The following ECPAS variants were observed in gnomAD, a reference collection of about 807,000 sequenced individuals.
The protein encoded by ECPAS is proteasome adapter and scaffold protein ECM29.
A neutral mutation model predicts 255.1 loss-of-function variants in ECPAS; 70 were observed. The observed-to-expected ratio is 0.27, with a 90% CI of 0.23 to 0.33. The LOEUF (loss-of-function observed/expected upper bound fraction) is 0.33. Among genes scored for constraint, ECPAS ranks in the 10% least tolerant of loss-of-function variants. The pLI, the probability that ECPAS is intolerant of heterozygous loss-of-function variation, is 1.00. For synonymous variants in ECPAS, 784 were observed against 775.0 expected (o/e 1.01, Z -0.19); for missense variants, 1,817 against 2,206.4 (o/e 0.82, Z 3.54).
intron 9 of ECPAS, among the ~76,000 whole-genome samples, 188 bp from the exon 10 acceptor site, chr9:111,428,349 C>T (rs1401663249): frequency 2.6e-5 from 4 of 152,110 alleles, no homozygotes; most frequent in African/African-American, 4.8e-5. Context: ...ATTTACTATA[C>T]GGGAAATTAA....
intron 38 of ECPAS, among the ~76,000 whole-genome samples, chr9:111,374,259 G>T (rs573729485): frequency 3.9e-5 from 6 of 152,078 alleles, no homozygotes; most frequent in Non-Finnish European, 7.4e-5. Flanking sequence ...TTGTGAAAAA[G>T]AAAGAAAACT....
intron 12 of ECPAS, among the ~76,000 whole-genome samples, chr9:111,424,668 A>C (rs1042723565): frequency 2.0e-5 from 3 of 152,238 alleles, no homozygotes; most frequent in South Asian, 2.1e-4. Flanking sequence ...CAGAATTTTG[A>C]ATCATTAAAA....
chr9:111,392,250 A>T (rs1486457269), intron 28 of ECPAS, among the ~76,000 whole-genome samples: 1 of 152,182 alleles, frequency 6.6e-6, no homozygotes, highest in African/African-American at 2.4e-5. Flanking sequence ...CAACAACAAA[A>T]AACAGCCCTT....
intron 24 of ECPAS, among the ~76,000 whole-genome samples, chr9:111,398,366 T>C (rs1441640794): frequency 6.6e-6 from 1 of 152,118 alleles, no homozygotes; most frequent in African/African-American, 2.4e-5. Flanking sequence ...CTGTAGTTAA[T>C]AACAACACAG....
At chr9:111,428,733 T>C (rs539927771) in intron 9 of ECPAS, among the ~76,000 whole-genome samples, 4 of 152,268 alleles carry the variant, frequency 2.6e-5, no homozygotes, top group East Asian at 1.9e-4. Flanking sequence ...TAACAGTTAA[T>C]TGCTTATTTT....
In ECPAS at chr9:111,379,200, A is replaced by G. The variant is rs550149465; in HGVS notation, c.3804-470T>C. On this transcript the variant is annotated intron_variant, in intron 35 of 49. Transcript: ENST00000684092. ...ACATTTCAGTCAACAACAACAGACC[A>G]CAATGTCCAGCAGTAGTCCCATAAG... 9.2e-5 allele frequency among the ~76,000 whole-genome samples: 14 copies of G among 152,336 alleles called. No homozygotes were observed. In the South Asian group the frequency reaches 2.3e-3, roughly 25 times the overall value.
At chr9:111,467,030 A>G (rs1002740325) in intron 2 of ECPAS, among the ~76,000 whole-genome samples, 2 of 152,240 alleles carry the variant, frequency 1.3e-5, no homozygotes, top group African/African-American at 4.8e-5. Context: ...CGACCAGTAA[A>G]GGTTTAAAGA....
At chr9:111,381,511 T>C (rs2098140509) in intron 35 of ECPAS, among the ~76,000 whole-genome samples, 1 of 152,192 alleles carries the variant, frequency 6.6e-6, no homozygotes, top group Non-Finnish European at 1.5e-5. Context: ...AGATATGAAG[T>C]GAACAGATTT....
At chr9:111,403,633 G>T (rs976855751) in intron 24 of ECPAS, among the ~76,000 whole-genome samples, 1 of 149,680 alleles carries the variant, frequency 6.7e-6, no homozygotes, top group Admixed American at 6.6e-5. Context: ...TTATTAAAGG[G>T]AGAGACAGAC....
At chr9:111,473,561 T>C (rs923336832) in intron 1 of ECPAS, among the ~76,000 whole-genome samples, 1 of 152,170 alleles carries the variant, frequency 6.6e-6, no homozygotes, top group Non-Finnish European at 1.5e-5. Flanking sequence ...AATATGCCCA[T>C]TCCCACAGCT....
Position 111,386,017 on chromosome 9 carries a change from T to C in ECPAS, c.3527+360A>G, listed in dbSNP as rs538314016. ...TTCTGTCGCCCAGGCTGGAGTTCAATGGCACAATCTCGGCTCACTGCAACC... is the reference window on the plus strand; with the variant it reads ...TTCTGTCGCCCAGGCTGGAGTTCAACGGCACAATCTCGGCTCACTGCAACC... On this transcript the variant is annotated intron_variant, in intron 32 of 49. Transcript: ENST00000684092. Among the ~76,000 whole-genome samples the C allele has an allele frequency of 1.2e-4, 19 of 152,368 alleles. No individual in the cohort carries two copies. In the East Asian group the frequency reaches 2.5e-3, roughly 20 times the overall value.
intron 35 of ECPAS, among the ~76,000 whole-genome samples, chr9:111,381,823 C>A (rs1320575132): frequency 6.6e-6 from 1 of 152,126 alleles, no homozygotes; most frequent in Non-Finnish European, 1.5e-5. Flanking sequence ...ATGTTTGAAT[C>A]AGGATCCAAG....
chr9:111,362,653 T>C (rs921834193), intron 49 of ECPAS, among the ~76,000 whole-genome samples: 10 of 152,172 alleles, frequency 6.6e-5, no homozygotes, highest in South Asian at 4.1e-4. Context: ...TACATGCACA[T>C]TGAAATTTTT....
Position 111,484,272 on chromosome 9 carries a change from G to C in ECPAS, c.-239C>G, listed in dbSNP as rs1375792243. The stretch of plus-strand genomic sequence containing the variant: ...CGGGCCCGGGCTGCCCTAGCGGCCG[G>C]GGGAAATCCTCGAGGCGGGGCCGGA... On this transcript the variant is annotated 5_prime_UTR_variant, in exon 1 of 50. Transcript: ENST00000684092. 3 of 1,521,726 alleles carry C rather than the reference G, an allele frequency of 2.0e-6. No homozygotes were observed. Among genetic ancestry groups the C allele is most frequent in the East Asian group, 2.5e-5 (1 of 40,658 alleles). 94.3% of individuals were successfully genotyped at this position (1,521,726 alleles called of 1,614,324 possible).
At chr9:111,463,370 C>T (rs1316696889) in intron 2 of ECPAS, among the ~76,000 whole-genome samples, 2 of 152,202 alleles carry the variant, frequency 1.3e-5, no homozygotes, top group African/African-American at 2.4e-5. Context: ...GTAAACAGCA[C>T]TAATGCTCAC....
At chr9:111,421,173 A>G (rs2098213033) in intron 15 of ECPAS, among the ~76,000 whole-genome samples, 1 of 152,182 alleles carries the variant, frequency 6.6e-6, no homozygotes, top group African/African-American at 2.4e-5. Context: ...AGCTTTCTGA[A>G]TGTATATAAT....
intron 26 of ECPAS, 95 bp from the exon 27 acceptor site, chr9:111,393,829 T>C: frequency 6.4e-6 from 6 of 931,572 alleles, no homozygotes; most frequent in Non-Finnish European, 1.0e-5. Context: ...TGTAGTCTTA[T>C]TATCCAAGCC....
intron 7 of ECPAS, among the ~76,000 whole-genome samples, chr9:111,435,935 A>G (rs1358391364): frequency 7.1e-6 from 1 of 141,618 alleles, no homozygotes; most frequent in East Asian, 2.0e-4. Flanking sequence ...TGATCCGCCC[A>G]CTTTGGCCTC....
chr9:111,430,456 T>G (rs1589188569), intron 9 of ECPAS, 91 bp downstream of exon 9: 2 of 813,462 alleles, frequency 2.5e-6, no homozygotes, highest in East Asian at 5.3e-5. Context: ...AGATTCAGCT[T>G]AAATGAAACT....
Sources: gnomAD v4.1 joint callset for allele counts (sites outside exome capture counted in the v4.1 genomes callset) on GRCh38, gnomAD v4.1.1 for gene constraint, MANE v1.5 for transcripts, NCBI Gene and HGNC (gene_info 2026-07-23, HGNC 2026-07-21) for gene names.